Variants in LRRIQ3 observed in about 807,000 individuals in gnomAD.
LRRIQ3 encodes leucine-rich repeat and IQ domain-containing protein 3.
A neutral mutation model predicts 59.3 loss-of-function variants in LRRIQ3; 75 were observed. The observed-to-expected ratio is 1.26, with a 90% confidence interval of 1.05 to 1.53. The LOEUF (loss-of-function observed/expected upper bound fraction) is 1.53, where lower values mean the gene tolerates loss of function less well. LRRIQ3 is among the 40% of genes most tolerant of loss of function. The pLI, the probability that LRRIQ3 is intolerant of heterozygous loss-of-function variation, is 0.00. For synonymous variants in LRRIQ3, 250 were observed against 231.3 expected, an observed-to-expected ratio of 1.08 and a Z score of -0.73; for missense variants, 831 against 710.0, an observed-to-expected ratio of 1.17 and a Z score of -1.94.
chr1:74,039,483 C>T (rs1050728443), intron 7 of LRRIQ3, among the ~76,000 whole-genome samples: 1 of 151,974 alleles, frequency 6.6e-6, no homozygotes, highest in Non-Finnish European at 1.5e-5. Flanking sequence ...GAGAACACCA[C>T]TAAGATACTC....
intron 5 of LRRIQ3, among the ~76,000 whole-genome samples, chr1:74,099,277 C>A (rs577300160): frequency 1.3e-5 from 2 of 152,276 alleles, no homozygotes; most frequent in East Asian, 3.9e-4. Flanking sequence ...ACTATAAACA[C>A]CTCTACGCAA....
In LRRIQ3 at chr1:74,186,057, A is replaced by C. The variant is rs143481758; in HGVS notation, c.1-2373T>G. Among the ~76,000 whole-genome samples, 544 of 149,058 alleles carry C rather than the reference A, an allele frequency of 3.6e-3. 5 individuals are homozygous for C. Among genetic ancestry groups the C allele is most frequent in the African/African-American group, 0.013 (516 of 41,022 alleles). On this transcript the variant is annotated intron_variant, in intron 1 of 7. Transcript: ENST00000354431. ...TATATATGTACACAAAATTATATAT[A>C]TAATTATATTTAATATATAGCTATA... is the stretch of plus-strand genomic sequence containing the variant.
At chr1:74,139,967 A>C (rs992297283) in intron 4 of LRRIQ3, among the ~76,000 whole-genome samples, 1 of 151,934 alleles carries the variant, frequency 6.6e-6, no homozygotes, top group Non-Finnish European at 1.5e-5. Flanking sequence ...GGGGGAAAAC[A>C]TACAACAATA....
chr1:74,041,715 C>G lies in LRRIQ3; in HGVS notation c.1216G>C (p.Glu406Gln). 4 of 1,613,486 alleles carry G rather than the reference C, an allele frequency of 2.5e-6. No individual in the cohort carries two copies. The highest frequency in any genetic ancestry group is 3.4e-6 in the Non-Finnish European group (4 of 1,179,728). ...CCAGCTCTTTGTGGTGCAAAAAACT[C>G]TTTCATACTCCGCTCCAATCGTATG... ...KDIRLERSMK[E>Q]FFAPQRAGMK... Residue 406 changes from glutamate to glutamine, a missense_variant, in exon 7 of 8, where the codon GAG becomes CAG. Physicochemically the swap from Glu to Gln is conservative, Grantham distance 29. Coordinates refer to ENST00000354431, the MANE Select transcript of LRRIQ3 (RefSeq NM_001105659.2).
intron 3 of LRRIQ3, among the ~76,000 whole-genome samples, chr1:74,178,634 T>G (rs957894381): frequency 6.6e-6 from 1 of 152,184 alleles, no homozygotes; most frequent in Non-Finnish European, 1.5e-5. Context: ...AAATATTAGT[T>G]GCCTTACAAG....
intron 3 of LRRIQ3, among the ~76,000 whole-genome samples, chr1:74,178,447 G>A (rs995741113): frequency 2.0e-5 from 3 of 151,484 alleles, no homozygotes; most frequent in Non-Finnish European, 2.9e-5. Flanking sequence ...TTACTCTATT[G>A]AGTGAATTAT....
intron 4 of LRRIQ3, among the ~76,000 whole-genome samples, chr1:74,146,646 A>T (rs1570206630): frequency 6.6e-6 from 1 of 152,300 alleles, no homozygotes; most frequent in Non-Finnish European, 1.5e-5. Context: ...ATTTTATTTT[A>T]TTTTATTTGG....
At chr1:74,108,326 T>C (rs1646641896) in intron 5 of LRRIQ3, among the ~76,000 whole-genome samples, 1 of 151,826 alleles carries the variant, frequency 6.6e-6, no homozygotes, top group Non-Finnish European at 1.5e-5. Flanking sequence ...AGATGAACTT[T>C]ATAATTTTAT....
chr1:74,156,597 C>A (rs1447328322), intron 3 of LRRIQ3, among the ~76,000 whole-genome samples: 1 of 152,014 alleles, frequency 6.6e-6, no homozygotes, highest in Non-Finnish European at 1.5e-5. Context: ...ATGGTAGTGG[C>A]ACAAACAGGT....
chr1:74,134,523 C>T lies in LRRIQ3; in HGVS notation c.707+21210G>A, dbSNP rs529090393. ...AGAGTCTATAAGTATATATTCCCTC[C>T]TCTTAATATCTTTAAAAGCAATAAC... On this transcript the variant is annotated intron_variant, in intron 4 of 7. Transcript: ENST00000354431. Among the ~76,000 whole-genome samples, 6 of 151,868 alleles carry T rather than the reference C, an allele frequency of 4.0e-5. No individual in the cohort carries two copies. The South Asian group carries it at 1.2e-3, about 31-fold the overall frequency.
chr1:74,099,132 A>C (rs903722856), intron 5 of LRRIQ3, among the ~76,000 whole-genome samples: 1 of 152,092 alleles, frequency 6.6e-6, no homozygotes, highest in Non-Finnish European at 1.5e-5. Flanking sequence ...TTTTTTGAAA[A>C]GATCAATAAA....
At chr1:74,118,861 C>A (rs958251608) in intron 4 of LRRIQ3, among the ~76,000 whole-genome samples, 1 of 152,044 alleles carries the variant, frequency 6.6e-6, no homozygotes, top group Non-Finnish European at 1.5e-5. Context: ...TTCTATGTCG[C>A]AGTGTTGAGG....
chr1:74,034,658 A>G (rs962276233), intron 7 of LRRIQ3, among the ~76,000 whole-genome samples: 1 of 151,794 alleles, frequency 6.6e-6, no homozygotes, highest in Non-Finnish European at 1.5e-5. Context: ...ACACACACAC[A>G]CACACACCAC....
In LRRIQ3 at chr1:74,173,254, G is replaced by A. The variant is rs375160460; in HGVS notation, c.573+9284C>T. On this transcript the variant is annotated intron_variant, in intron 3 of 7. Coordinates refer to ENST00000354431, the MANE Select transcript of LRRIQ3 (RefSeq NM_001105659.2). ...GGAGCTTGCAGTGAGCCGAGATCAC[G>A]CCACTGCACTCCAGACTGGGCAAGA... Among the ~76,000 whole-genome samples, 655 of 134,920 alleles carry A rather than the reference G, an allele frequency of 4.9e-3. 10 individuals carry two copies. Among genetic ancestry groups the A allele is most frequent in the African/African-American group, 0.017 (604 of 35,836 alleles). 88.5% of individuals were successfully genotyped at this position (134,920 alleles called of 152,430 possible). A position where few individuals can be genotyped will look rare whatever the true frequency, so the allele number is the denominator to read the frequency against.
chr1:74,162,638 A>G (rs1648727683), intron 3 of LRRIQ3, among the ~76,000 whole-genome samples: 1 of 151,832 alleles, frequency 6.6e-6, no homozygotes, highest in Admixed American at 6.6e-5. Context: ...GTATAAAATG[A>G]TGCAAAACAA....
chr1:74,130,981 C>A (rs978906005), intron 4 of LRRIQ3, among the ~76,000 whole-genome samples: 1 of 151,994 alleles, frequency 6.6e-6, no homozygotes, highest in African/African-American at 2.4e-5. Context: ...TGATAGACCA[C>A]CAGCAAGACT....
At chr1:74,085,466 A>C (rs1646318101) in intron 5 of LRRIQ3, among the ~76,000 whole-genome samples, 2 of 152,022 alleles carry the variant, frequency 1.3e-5, no homozygotes, top group African/African-American at 4.8e-5. Context: ...CCTGAATAAC[A>C]TCAGAGAGAG....
intron 6 of LRRIQ3, among the ~76,000 whole-genome samples, chr1:74,067,514 T>G (rs1001017187): frequency 6.6e-6 from 1 of 152,170 alleles, no homozygotes; most frequent in Non-Finnish European, 1.5e-5. Flanking sequence ...AAGTCTTGAA[T>G]GCTCAAAGGT....
chr1:74,043,326 A>G (rs749395450), intron 6 of LRRIQ3, among the ~76,000 whole-genome samples: 6 of 152,130 alleles, frequency 3.9e-5, no homozygotes, highest in Non-Finnish European at 8.8e-5. Flanking sequence ...AATGTCAAAT[A>G]TGATGCTGGT....
Sources: allele counts gnomAD v4.1 joint callset (sites outside exome capture counted in the v4.1 genomes callset), GRCh38; gene constraint gnomAD v4.1.1; transcripts MANE v1.5; gene names NCBI Gene and HGNC (gene_info 2026-07-23, HGNC 2026-07-21).